CREBBP: variants seen among roughly 807,000 people sequenced by gnomAD.
The protein encoded by CREBBP is CREB-binding protein.
A neutral mutation model predicts 265.0 loss-of-function variants in CREBBP; 19 were observed. The ratio of observed to expected loss-of-function variants is 0.07; its 90% confidence interval spans 0.05 to 0.11. The LOEUF (loss-of-function observed/expected upper bound fraction) is 0.11, where lower values mean the gene tolerates loss of function less well. CREBBP is among the 10% of genes least tolerant of loss of function. The pLI is 1.00. For synonymous variants in CREBBP, 1,457 were observed against 1,223.7 expected (o/e 1.19, Z -3.98); for missense variants, 2,525 against 3,219.0 (o/e 0.78, Z 5.22).
chr16:3,763,844 CTTT>C (rs763039340), intron 16 of CREBBP, among the ~76,000 whole-genome samples: 7 of 134,322 alleles, frequency 5.2e-5, no homozygotes, highest in Admixed American at 1.5e-4. Flanking sequence ...AAAAAGCAAT[CTTT>C]TTTTTTTTTT....
chr16:3,863,309 C>A (rs2055113745), intron 1 of CREBBP, among the ~76,000 whole-genome samples: 1 of 152,080 alleles, frequency 6.6e-6, no homozygotes, highest in Non-Finnish European at 1.5e-5. Flanking sequence ...TTAAAAAACC[C>A]AAGCAAGACA....
intron 5 of CREBBP, among the ~76,000 whole-genome samples, chr16:3,787,070 C>CAAAAAAAAAAAAAAAAAAAAAAAAA (rs757962926): frequency 5.7e-5 from 5 of 86,990 alleles, no homozygotes; most frequent in African/African-American, 8.4e-5. Context: ...GACTTCGTCT[C>CAAAAAAAAAAAAAAAAAAAAAAAAA]AAAAAAAAAA....
At chr16:3,790,864 C>T (rs1041045260) in intron 5 of CREBBP, among the ~76,000 whole-genome samples, 4 of 152,166 alleles carry the variant, frequency 2.6e-5, no homozygotes, top group African/African-American at 9.7e-5. Flanking sequence ...ACTGGCACGC[C>T]ACTCCACAGT....
chr16:3,877,997 CT>C (rs2141608340), intron 1 of CREBBP, among the ~76,000 whole-genome samples: 1 of 152,352 alleles, frequency 6.6e-6, no homozygotes, highest in East Asian at 1.9e-4. Flanking sequence ...ATAATGGACA[CT>C]ACTATGGAAA....
At position 3,728,679 on chromosome 16, in the gene CREBBP, G is replaced by C. The variant is rs2151304418; in HGVS notation, c.6368C>G (p.Ser2123Cys). 1 of 1,613,780 alleles carries C rather than the reference G, an allele frequency of 6.2e-7. No individual in the cohort carries two copies. The highest frequency in any genetic ancestry group is 8.5e-7 in the Non-Finnish European group (1 of 1,179,918). The change falls in exon 31 of 31, where the codon TCC becomes TGC. Residue 2123 changes from serine to cysteine, a missense_variant. Physicochemically the swap from Ser to Cys is moderately radical, Grantham distance 112. Around this residue, in one of 19 missense-constraint regions of CREBBP, gnomAD observed 473 missense variants for 459.3 expected, o/e 1.03. Coordinates refer to ENST00000262367, the MANE Select transcript of CREBBP (RefSeq NM_004380.3). This position sits in a 1 kb window ranked among gnomAD's most constrained non-coding sequence, Gnocchi z 8.7. ...PGMQPQPGLQ[S>C]QPGMQPQPGM... Reference sequence around the variant, plus strand: ...AGGCTGGGGTTGCATGCCGGGCTGGGACTGGAGGCCAGGCTGGGGCTGCAT... The same window carrying C: ...AGGCTGGGGTTGCATGCCGGGCTGGCACTGGAGGCCAGGCTGGGGCTGCAT...
chr16:3,749,146 A>AAAAAC (rs1382952475), intron 21 of CREBBP, among the ~76,000 whole-genome samples: 2 of 152,356 alleles, frequency 1.3e-5, no homozygotes, highest in Middle Eastern at 3.4e-3. Flanking sequence ...GACTGTCTCA[A>AAAAAC]AAAACAAAAC....
At chr16:3,811,581 G>A (rs1038794807) in intron 2 of CREBBP, among the ~76,000 whole-genome samples, 1 of 152,022 alleles carries the variant, frequency 6.6e-6, no homozygotes, top group African/African-American at 2.4e-5. Flanking sequence ...AACCTCTACC[G>A]CCTGGGTTCA....
chr16:3,831,209 A>C (rs2054336726), intron 2 of CREBBP, among the ~76,000 whole-genome samples: 1 of 152,246 alleles, frequency 6.6e-6, no homozygotes, highest in Non-Finnish European at 1.5e-5. Flanking sequence ...TTAAAAACCA[A>C]CAATAAAATA....
At chr16:3,864,969 G>C (rs192635371) in intron 1 of CREBBP, among the ~76,000 whole-genome samples, 106 of 152,242 alleles carry the variant, frequency 7.0e-4, no homozygotes, top group African/African-American at 2.4e-3. Context: ...TGAGGCACCA[G>C]AATCACTTGA....
intron 5 of CREBBP, among the ~76,000 whole-genome samples, chr16:3,788,857 T>C (rs2053446010): frequency 6.6e-6 from 1 of 152,082 alleles, no homozygotes; most frequent in Non-Finnish European, 1.5e-5. Flanking sequence ...GAGGCTGAAG[T>C]GGAATGACTG....
intron 5 of CREBBP, among the ~76,000 whole-genome samples, chr16:3,789,352 T>G (rs1677256415): frequency 6.6e-6 from 1 of 152,160 alleles, no homozygotes; most frequent in African/African-American, 2.4e-5. Flanking sequence ...GCAGACACTG[T>G]CCCCACTGTC....
intron 1 of CREBBP, among the ~76,000 whole-genome samples, chr16:3,858,916 T>C (rs1338758347): frequency 1.3e-5 from 2 of 152,200 alleles, no homozygotes; most frequent in African/African-American, 4.8e-5. Flanking sequence ...GTGTAAGAAA[T>C]AAGCATGTAA....
chr16:3,792,566 A>G (rs1228036728), intron 4 of CREBBP, among the ~76,000 whole-genome samples: 1 of 152,106 alleles, frequency 6.6e-6, no homozygotes, highest in Non-Finnish European at 1.5e-5. Flanking sequence ...AGTACTCGAG[A>G]GGCTAACTGA....
intron 16 of CREBBP, among the ~76,000 whole-genome samples, chr16:3,764,070 A>T (rs2052788175): frequency 6.6e-6 from 1 of 152,070 alleles, no homozygotes; most frequent in Non-Finnish European, 1.5e-5. Flanking sequence ...TATCACACAC[A>T]CTGCTGCTGC....
intron 2 of CREBBP, among the ~76,000 whole-genome samples, chr16:3,842,010 T>C (rs1207843537): frequency 6.6e-6 from 1 of 152,154 alleles, no homozygotes; most frequent in Non-Finnish European, 1.5e-5. Flanking sequence ...GCTGATCTAA[T>C]TTAAAACTTT....
intron 3 of CREBBP, among the ~76,000 whole-genome samples, chr16:3,807,462 C>T (rs1383513109): frequency 6.6e-6 from 1 of 152,078 alleles, no homozygotes; most frequent in Non-Finnish European, 1.5e-5. Context: ...AAGTGTTTGC[C>T]CTCAGTATGC....
At chr16:3,835,573 CTTCT>C (rs1459373156) in intron 2 of CREBBP, among the ~76,000 whole-genome samples, 4 of 136,022 alleles carry the variant, frequency 2.9e-5, no homozygotes, top group Admixed American at 1.4e-4. Context: ...CAGAAGATTT[CTTCT>C]TTTTTTTTTT....
intron 2 of CREBBP, among the ~76,000 whole-genome samples, chr16:3,849,419 GTGTGTGTGTGTGTGTGTGTGT>G (rs2054743253): frequency 1.3e-3 from 10 of 7,740 alleles, no homozygotes; most frequent in Admixed American, 2.3e-3. Context: ...GTGTGTGTGT[GTGTGTGTGTGTGTGTGTGTGT>G]GTGTGTGTGT....
rs370102000 is a variant in CREBBP, at chr16:3,851,052, T to A, written c.86-43A>T. 6.5e-5 allele frequency: 101 copies of A among 1,546,060 alleles called. No individual in the cohort carries two copies. The Middle Eastern group carries it at 1.4e-3, about 21-fold the overall frequency. On this transcript the variant is annotated intron_variant, in intron 1 of 30. Coordinates refer to ENST00000262367, the MANE Select transcript of CREBBP (RefSeq NM_004380.3). Reference sequence around the variant, plus strand: ...ATGGAAATGAGAAACTAAGCAACCTTTACAGCTCTCCAACTGCCACGTTTC... The same window carrying A: ...ATGGAAATGAGAAACTAAGCAACCTATACAGCTCTCCAACTGCCACGTTTC...
Sources: gnomAD v4.1 joint callset for allele counts (sites outside exome capture counted in the v4.1 genomes callset) on GRCh38, gnomAD v4.1.1 for gene constraint, gnomAD v4.1.1 regional missense constraint, Gnocchi (gnomAD v3.1) non-coding constraint, MANE v1.5 for transcripts, NCBI Gene and HGNC (gene_info 2026-07-23, HGNC 2026-07-21) for gene names.